Variants in ALG14 observed in about 807,000 individuals in gnomAD.
ALG14 encodes ALG14 UDP-N-acetylglucosaminyltransferase subunit.
A neutral mutation model predicts 22.8 loss-of-function variants in ALG14; 17 were observed. The ratio of observed to expected loss-of-function variants is 0.75; its 90% CI spans 0.51 to 1.12. The LOEUF is 1.12. Ranked by LOEUF, ALG14 falls within the 50% of genes most tolerant of loss-of-function variation. ALG14 has a pLI of 0.00. For missense variants in ALG14, 288 were observed against 271.8 expected, an observed-to-expected ratio of 1.06 and a Z score of -0.42; for synonymous variants, 89 against 103.7, an observed-to-expected ratio of 0.86 and a Z score of 0.86.
rs574580939 is a variant in ALG14, at chr1:94,981,724, T to C, written c.*1352A>G. Reference sequence around the variant, plus strand: ...GCTGCTTTGTTAAAGAAGCAGAGGTTAGAGGGAAGGAAATGGAATTCCTGT... The same window carrying C: ...GCTGCTTTGTTAAAGAAGCAGAGGTCAGAGGGAAGGAAATGGAATTCCTGT... On this transcript the variant is annotated 3_prime_UTR_variant, in exon 4 of 4. Transcript: ENST00000370205. 1.3e-5 allele frequency: 2 copies of C among 150,876 alleles called. No individual in the cohort carries two copies. The highest frequency in any genetic ancestry group is 3.9e-4 in the East Asian group (2 of 5,144). The allele number at this position is 150,876 out of a possible 1,614,324, so 9.3% of individuals were successfully genotyped here.
intron 3 of ALG14, among the ~76,000 whole-genome samples, chr1:95,021,676 A>C (rs1479046403): frequency 6.6e-6 from 1 of 152,076 alleles, no homozygotes; most frequent in Non-Finnish European, 1.5e-5. Context: ...TCATGCATCT[A>C]AGGTCATTTC....
intron 3 of ALG14, among the ~76,000 whole-genome samples, chr1:95,019,303 C>T (rs946254208): frequency 6.6e-6 from 1 of 152,152 alleles, no homozygotes; most frequent in Non-Finnish European, 1.5e-5. Flanking sequence ...TATGTTCTTT[C>T]TGTAATTTGA....
At chr1:95,003,450 CTTTTTT>C (rs11286582) in intron 3 of ALG14, among the ~76,000 whole-genome samples, 1 of 134,220 alleles carries the variant, frequency 7.5e-6, no homozygotes. Flanking sequence ...TGCCCTCATT[CTTTTTT>C]TTTTTTTTTT....
In ALG14 at chr1:94,992,323, G is replaced by C. The variant is rs142088691; in HGVS notation, c.421-9017C>G. ...TTTTTCAGCTCTATTATAATCTTAC[G>C]GGATCACTATTGTTTGTCTGTCATT... On this transcript the variant is annotated intron_variant, in intron 3 of 3. Transcript: ENST00000370205. Among the ~76,000 whole-genome samples the C allele has an allele frequency of 7.5e-3, 1,134 of 152,106 alleles. 11 individuals are homozygous for C. Among genetic ancestry groups the C allele is most frequent in the African/African-American group, 0.025 (1,057 of 41,502 alleles).
intron 1 of ALG14, among the ~76,000 whole-genome samples, chr1:95,070,676 T>C (rs1675529731): frequency 6.6e-6 from 1 of 152,240 alleles, no homozygotes; most frequent in African/African-American, 2.4e-5. Flanking sequence ...AGGTTGACAC[T>C]ATATGTCAAG....
chr1:95,040,438 A>G (rs986918017), intron 2 of ALG14, among the ~76,000 whole-genome samples: 1 of 152,142 alleles, frequency 6.6e-6, no homozygotes, highest in Non-Finnish European at 1.5e-5. Flanking sequence ...CTTCCTTGCC[A>G]TGCTCACCTG....
At chr1:95,045,487 G>A (rs555724458) in intron 2 of ALG14, among the ~76,000 whole-genome samples, 3 of 152,154 alleles carry the variant, frequency 2.0e-5, no homozygotes, top group African/African-American at 7.2e-5. Flanking sequence ...TGGACAGCCA[G>A]GGATATCAAT....
At chr1:95,052,500 A>C (rs890209174) in intron 2 of ALG14, among the ~76,000 whole-genome samples, 4 of 152,196 alleles carry the variant, frequency 2.6e-5, no homozygotes, top group African/African-American at 9.7e-5. Context: ...TTTGTTTTTC[A>C]GGAGGAGGAT....
chr1:95,068,437 C>T (rs901361201), intron 1 of ALG14, among the ~76,000 whole-genome samples: 4 of 152,118 alleles, frequency 2.6e-5, no homozygotes, highest in African/African-American at 4.8e-5. Context: ...CAGGCACCTG[C>T]GACCATGCCC....
intron 3 of ALG14, among the ~76,000 whole-genome samples, chr1:95,020,172 A>T (rs958861035): frequency 1.3e-5 from 2 of 151,948 alleles, no homozygotes; most frequent in Admixed American, 1.3e-4. Context: ...AGCCGAGATC[A>T]TATCACTGCA....
intron 2 of ALG14, among the ~76,000 whole-genome samples, chr1:95,032,343 C>G (rs1000263993): frequency 1.3e-5 from 2 of 152,102 alleles, no homozygotes; most frequent in South Asian, 2.1e-4. Context: ...AAGGGCCACT[C>G]TTTAAATGGG....
chr1:95,036,097 T>C (rs1674184517), intron 2 of ALG14, among the ~76,000 whole-genome samples: 2 of 152,200 alleles, frequency 1.3e-5, no homozygotes, highest in Non-Finnish European at 2.9e-5. Flanking sequence ...ATGGTGCTGA[T>C]GAAATGCCAT....
At chr1:95,017,911 A>T (rs1392509806) in intron 3 of ALG14, among the ~76,000 whole-genome samples, 1 of 152,180 alleles carries the variant, frequency 6.6e-6, no homozygotes, top group Non-Finnish European at 1.5e-5. Flanking sequence ...AATGGCAGGG[A>T]ATCACTTTCC....
chr1:95,061,716 A>T (rs1390474915), intron 2 of ALG14: 2 of 152,242 alleles, frequency 1.3e-5, no homozygotes, highest in African/African-American at 4.8e-5. Context: ...CTTCTAAGTG[A>T]AAACATGACT....
intron 3 of ALG14, 127 bp from the exon 4 acceptor site, chr1:94,983,433 G>T: frequency 2.6e-6 from 2 of 780,620 alleles, no homozygotes; most frequent in Non-Finnish European, 4.1e-6. Flanking sequence ...TCTCTGTCAA[G>T]AACCAGGATG....
intron 3 of ALG14, among the ~76,000 whole-genome samples, chr1:95,017,808 T>A (rs1404767187): frequency 2.0e-5 from 3 of 150,272 alleles, no homozygotes; most frequent in African/African-American, 4.9e-5. Context: ...ATATATATAT[T>A]TTTGAGATCT....
chr1:95,056,089 G>A (rs1290605536), intron 2 of ALG14, among the ~76,000 whole-genome samples: 2 of 151,662 alleles, frequency 1.3e-5, no homozygotes, highest in Non-Finnish European at 2.9e-5. Context: ...TACTGGGTGA[G>A]GGATAGACAA....
intron 1 of ALG14, 99 bp downstream of exon 1, chr1:95,072,664 C>T: frequency 6.6e-7 from 1 of 1,506,108 alleles, no homozygotes; most frequent in South Asian, 1.2e-5. Flanking sequence ...GCATGCAACA[C>T]TCCAAGAAGT....
At chr1:94,985,853 C>T (rs571507124) in intron 3 of ALG14, among the ~76,000 whole-genome samples, 1 of 151,914 alleles carries the variant, frequency 6.6e-6, no homozygotes, top group South Asian at 2.1e-4. Flanking sequence ...TACAAAAGTC[C>T]CTGGTACAAT....
Sources: allele counts gnomAD v4.1 joint callset (sites outside exome capture counted in the v4.1 genomes callset), GRCh38; gene constraint gnomAD v4.1.1; transcripts MANE v1.5; gene names NCBI Gene and HGNC (gene_info 2026-07-23, HGNC 2026-07-21).